The following TAF1 variants were observed in gnomAD, a reference collection of about 807,000 sequenced individuals.
TAF1 encodes the protein transcription initiation factor TFIID subunit 1.
TAF1 carries 2 observed loss-of-function variants against 138.5 expected under a neutral mutation model. The observed-to-expected ratio is 0.01, with a 90% CI of 0.01 to 0.05. The LOEUF (loss-of-function observed/expected upper bound fraction) is 0.05. TAF1 is among the 10% of genes least tolerant of loss of function. The pLI, the probability that TAF1 is intolerant of heterozygous loss-of-function variation, is 1.00. For synonymous variants in TAF1, 437 were observed against 503.2 expected, an observed-to-expected ratio of 0.87 and a Z score of 1.76; for missense variants, 709 against 1,478.0, an observed-to-expected ratio of 0.48 and a Z score of 8.53.
chrX:71,483,782 A>T (rs5981120), intron 13 of TAF1, among the ~76,000 whole-genome samples: 2 of 75,498 alleles, frequency 2.6e-5, no homozygotes, highest in African/African-American at 1.1e-4. Flanking sequence ...CTCTCTCTCT[A>T]TATATATATA....
At chrX:71,506,466 T>C (rs7049292) in intron 13 of TAF1, among the ~76,000 whole-genome samples, 7,583 of 107,149 alleles carry the variant, frequency 0.071, 502 homozygotes, top group African/African-American at 0.21. Context: ...GGGCGGATCA[T>C]GAGGTCAGGA....
At chrX:71,520,557 C>T (rs1198020880) in intron 13 of TAF1, among the ~76,000 whole-genome samples, 11 of 76,315 alleles carry the variant, frequency 1.4e-4, no homozygotes, top group African/African-American at 5.5e-4. Flanking sequence ...GGGTGGGCAC[C>T]TGTAATCCCA....
chrX:71,425,744 T>G (rs868243591), intron 32 of TAF1, among the ~76,000 whole-genome samples: 1 of 108,956 alleles, frequency 9.2e-6, no homozygotes, highest in Non-Finnish European at 1.9e-5. Flanking sequence ...ACCTGAGAGT[T>G]AGGGAAGGCT....
At chrX:71,377,894 A>T (rs768865602) in intron 6 of TAF1, 73 bp downstream of exon 6, 5 of 1,021,609 alleles carry the variant, frequency 4.9e-6, no homozygotes, top group Non-Finnish European at 6.5e-6. Context: ...TCCCTAATTT[A>T]TGTCTAAATT....
rs748157299 is a variant in TAF1 at position 71,394,113 on chromosome X, T to C, written c.3274T>C (p.Ser1092Pro). Residue 1092 changes from serine to proline, a missense_variant, in exon 22 of 38, where the codon TCA becomes CCA. Around this residue, in one of 14 missense-constraint regions of TAF1, gnomAD observed 31 missense variants for 52.2 expected, o/e 0.59. Coordinates refer to ENST00000423759, the MANE Select transcript of TAF1 (RefSeq NM_004606.5). ...CTTATCAACTGACACAGACAGCAGCTCAGCTGAAGATAGTGACTTTGAAGA... is the reference window on the plus strand; with the variant it reads ...CTTATCAACTGACACAGACAGCAGCCCAGCTGAAGATAGTGACTTTGAAGA... The part of the protein sequence containing the change: ...EVLSTDTDSS[S>P]AEDSDFEEMG... 3.3e-6 allele frequency: 4 copies of C among 1,211,833 alleles called. No homozygotes were observed. The highest frequency in any genetic ancestry group is 4.5e-6 in the Non-Finnish European group (4 of 895,515).
intron 24 of TAF1, among the ~76,000 whole-genome samples, chrX:71,400,943 C>T (rs2035144373): frequency 8.9e-6 from 1 of 111,997 alleles, no homozygotes; most frequent in Non-Finnish European, 1.9e-5. Flanking sequence ...GACTTGGTGT[C>T]ATCGAACCTT....
At chrX:71,381,594 C>T (rs2033894795) in intron 8 of TAF1, 149 bp from the exon 9 acceptor site, 2 of 568,247 alleles carry the variant, frequency 3.5e-6, no homozygotes, top group Non-Finnish European at 5.5e-6. Context: ...GAGAAATACA[C>T]TGTGTAGGTT....
At chrX:71,440,846 G>A (rs1224283578) in intron 32 of TAF1, among the ~76,000 whole-genome samples, 3 of 111,196 alleles carry the variant, frequency 2.7e-5, no homozygotes, top group East Asian at 5.6e-4. Flanking sequence ...CAAATACATT[G>A]TGTTTTTCTA....
chrX:71,524,637 C>A, intron 13 of TAF1, among the ~76,000 whole-genome samples: 1 of 107,088 alleles, frequency 9.3e-6, no homozygotes, highest in Non-Finnish European at 1.9e-5. Context: ...AGAGCAAGAT[C>A]CTGTTTCTAA....
chrX:71,378,695 T>G (rs963087651), intron 7 of TAF1, 129 bp from the exon 8 acceptor site: 7 of 759,087 alleles, frequency 9.2e-6, no homozygotes, highest in Non-Finnish European at 1.2e-5. Flanking sequence ...TATTCCTCCG[T>G]TATCAGGTGG....
chrX:71,403,158 A>G (rs1378253451), intron 25 of TAF1, among the ~76,000 whole-genome samples: 1 of 110,095 alleles, frequency 9.1e-6, no homozygotes, highest in Admixed American at 9.8e-5. Context: ...CATCCGGAGT[A>G]GTTGGGACTA....
chrX:71,377,981 C>T, intron 6 of TAF1, 160 bp downstream of exon 6: 4 of 737,869 alleles, frequency 5.4e-6, no homozygotes, highest in Non-Finnish European at 1.9e-6. Context: ...GTGGCTGCCC[C>T]TTCCCTATTG....
chrX:71,367,593 G>A lies in TAF1; in HGVS notation c.215G>A (p.Gly72Asp). Residue 72 changes from glycine to aspartate, a missense_variant, in exon 2 of 38, where the codon GGT becomes GAT. By Grantham distance (94) the Gly-to-Asp change is moderately conservative (BLOSUM62 -1). Transcript: ENST00000423759. Reference sequence around the variant, plus strand: ...AATGAAGAATTGACCGGGACTGACGGTGCCTTGGTAAATGATGAAGGTGAA... The same window carrying A: ...AATGAAGAATTGACCGGGACTGACGATGCCTTGGTAAATGATGAAGGTGAA... ...TANEELTGTD[G>D]ALVNDEGWVR... is the part of the protein sequence containing the mutation. The A allele has an allele frequency of 5.0e-6, 6 of 1,211,768 alleles. No individual in the cohort carries two copies. Among genetic ancestry groups the A allele is most frequent in the Non-Finnish European group, 6.7e-6 (6 of 895,510 alleles).
chrX:71,367,212 C>T (rs776526624), intron 1 of TAF1, among the ~76,000 whole-genome samples: 1 of 112,444 alleles, frequency 8.9e-6, no homozygotes, highest in South Asian at 3.6e-4. Flanking sequence ...CGAGAACGAC[C>T]GTTCCATTCA....
chrX:71,366,771 A>G (rs1206850351), intron 1 of TAF1, among the ~76,000 whole-genome samples: 3 of 111,396 alleles, frequency 2.7e-5, no homozygotes, highest in Non-Finnish European at 3.8e-5. Flanking sequence ...AGTAGGACAC[A>G]TGCTGGTTTC....
chrX:71,389,518 TA>T (rs151185299), intron 17 of TAF1, 66 bp from the exon 18 acceptor site: 814 of 826,818 alleles, frequency 9.8e-4, no homozygotes, highest in South Asian at 1.2e-3. Context: ...TTGTATTCAG[TA>T]AAAAAAAAAC....
chrX:71,436,038 CTTTTTTTTTTT>C (rs780566468), intron 32 of TAF1, among the ~76,000 whole-genome samples: 7 of 78,422 alleles, frequency 8.9e-5, no homozygotes, highest in Non-Finnish European at 1.2e-4. Context: ...ATGCTACCTC[CTTTTTTTTTTT>C]TTTTTTTTTT....
At chrX:71,373,213 G>A (rs1335914326) in intron 3 of TAF1, among the ~76,000 whole-genome samples, 1 of 102,324 alleles carries the variant, frequency 9.8e-6, no homozygotes, top group African/African-American at 3.6e-5. Flanking sequence ...TGTTGCCCAG[G>A]CTGGAGTGCA....
downstream of TAF1, among the ~76,000 whole-genome samples, chrX:71,466,658 G>A (rs752449511): frequency 1.8e-5 from 2 of 111,754 alleles, no homozygotes; most frequent in Non-Finnish European, 3.8e-5. Flanking sequence ...GATTACAGGC[G>A]TGAGCCACCG....
Sources: allele counts gnomAD v4.1 joint callset (sites outside exome capture counted in the v4.1 genomes callset), GRCh38; gene constraint gnomAD v4.1.1; regional missense constraint gnomAD v4.1.1; transcripts MANE v1.5; gene names NCBI Gene and HGNC (gene_info 2026-07-23, HGNC 2026-07-21).